Variants in WDR41 observed in about 807,000 individuals in gnomAD.
WDR41 encodes WD repeat-containing protein 41.
In WDR41, 63 loss-of-function variants were observed where a neutral mutation model predicts 69.3. The ratio of observed to expected loss-of-function variants is 0.91; its 90% confidence interval spans 0.74 to 1.12. WDR41 has a LOEUF of 1.12. Among genes scored for constraint, WDR41 ranks in the 50% most tolerant of loss-of-function variants. The pLI is 0.00. For missense variants in WDR41, 543 were observed against 534.5 expected, an observed-to-expected ratio of 1.02 and a Z score of -0.16; for synonymous variants, 185 against 192.1, an observed-to-expected ratio of 0.96 and a Z score of 0.31.
chr5:77,504,184 G>T (rs1213858759), intron 1 of WDR41, among the ~76,000 whole-genome samples: 2 of 151,752 alleles, frequency 1.3e-5, no homozygotes, highest in African/African-American at 2.4e-5. Flanking sequence ...AATAAAAAAT[G>T]ATAAAGGGGA....
intron 1 of WDR41, among the ~76,000 whole-genome samples, chr5:77,515,140 A>T (rs1040999483): frequency 2.1e-4 from 32 of 152,296 alleles, no homozygotes; most frequent in African/African-American, 7.0e-4. Context: ...ATTTTAAAAA[A>T]TTTTTTGACT....
intron 1 of WDR41, 129 bp downstream of exon 1, chr5:77,492,041 G>A (rs1801820966): frequency 8.5e-7 from 1 of 1,175,360 alleles, no homozygotes; most frequent in Non-Finnish European, 1.2e-6. Context: ...ACAGCGCGTG[G>A]CACGAGCTCA....
intron 1 of WDR41, among the ~76,000 whole-genome samples, chr5:77,576,550 C>T (rs1743836423): frequency 6.6e-6 from 1 of 152,150 alleles, no homozygotes; most frequent in Admixed American, 6.6e-5. Context: ...ATTCTGTTCT[C>T]TGTTCCCCAC....
At chr5:77,613,190 A>G (rs1480959856) in intron 1 of WDR41, among the ~76,000 whole-genome samples, 1 of 152,228 alleles carries the variant, frequency 6.6e-6, no homozygotes, top group African/African-American at 2.4e-5. Flanking sequence ...GGGTAGGAAG[A>G]ATCAATATCA....
intron 2 of WDR41, among the ~76,000 whole-genome samples, chr5:77,474,895 T>C (rs1177266858): frequency 6.6e-6 from 1 of 152,100 alleles, no homozygotes; most frequent in Non-Finnish European, 1.5e-5. Context: ...TGCATTTCCA[T>C]CTGAGGTACC....
At chr5:77,536,933 T>C (rs181244914) in intron 1 of WDR41, among the ~76,000 whole-genome samples, 25 of 152,306 alleles carry the variant, frequency 1.6e-4, no homozygotes, top group African/African-American at 5.3e-4. Context: ...GGATGTTGAG[T>C]TCCAAGACAG....
At chr5:77,595,370 A>G (rs558959253) in intron 1 of WDR41, among the ~76,000 whole-genome samples, 2 of 152,308 alleles carry the variant, frequency 1.3e-5, no homozygotes, top group East Asian at 3.9e-4. Context: ...CTGCCCAAGT[A>G]TAGAAAAATG....
intron 8 of WDR41, among the ~76,000 whole-genome samples, chr5:77,446,490 A>G (rs758415622): frequency 1.4e-4 from 22 of 152,356 alleles, no homozygotes; most frequent in South Asian, 4.1e-4. Flanking sequence ...CAAAAAGAAC[A>G]AAGCTGGAGA....
At chr5:77,474,919 T>C (rs1240662242) in intron 2 of WDR41, among the ~76,000 whole-genome samples, 1 of 152,122 alleles carries the variant, frequency 6.6e-6, no homozygotes, top group African/African-American at 2.4e-5. Context: ...TTCGTCTCAC[T>C]AGGGAGTGCC....
chr5:77,462,074 A>T (rs1375779439), intron 4 of WDR41, among the ~76,000 whole-genome samples: 1 of 152,138 alleles, frequency 6.6e-6, no homozygotes, highest in Non-Finnish European at 1.5e-5. Flanking sequence ...AAAGTTACTT[A>T]GCCTCTGTGT....
At chr5:77,583,001 G>A in intron 1 of WDR41, 1 of 1,599,930 alleles carries the variant, frequency 6.3e-7, no homozygotes, top group Non-Finnish European at 8.5e-7. Context: ...AACTTCCTGT[G>A]GCCCTTCAAA....
intron 1 of WDR41, among the ~76,000 whole-genome samples, chr5:77,547,957 A>G (rs928582292): frequency 2.6e-5 from 4 of 152,158 alleles, no homozygotes; most frequent in Non-Finnish European, 5.9e-5. Context: ...GGAACAGAAT[A>G]GAGAACCCAG....
chr5:77,616,929 C>G (rs1457067330), intron 1 of WDR41, among the ~76,000 whole-genome samples: 1 of 152,178 alleles, frequency 6.6e-6, no homozygotes, highest in African/African-American at 2.4e-5. Context: ...ACATTAAAAT[C>G]TAGATAGAAA....
intron 1 of WDR41, among the ~76,000 whole-genome samples, chr5:77,597,906 AGAG>A (rs1325746574): frequency 6.6e-6 from 1 of 152,200 alleles, no homozygotes; most frequent in Non-Finnish European, 1.5e-5. Context: ...TGAACATCAG[AGAG>A]GAGGTGATGG....
chr5:77,564,884 A>G (rs1743592703), intron 1 of WDR41, among the ~76,000 whole-genome samples: 1 of 152,104 alleles, frequency 6.6e-6, no homozygotes, highest in Non-Finnish European at 1.5e-5. Context: ...GTAGAAACTT[A>G]GAAGGAATTT....
At chr5:77,449,939 A>G in intron 7 of WDR41, 69 bp from the exon 8 acceptor site, 1 of 1,070,332 alleles carries the variant, frequency 9.3e-7, no homozygotes, top group Non-Finnish European at 1.4e-6. Context: ...TCCTGCTCTA[A>G]AAACAAGCAT....
intron 1 of WDR41, among the ~76,000 whole-genome samples, chr5:77,502,661 C>G (rs1802038137): frequency 6.6e-6 from 1 of 152,208 alleles, no homozygotes; most frequent in African/African-American, 2.4e-5. Context: ...ATCAGACTGA[C>G]AGCGGATCAC....
chr5:77,546,268 G>T, intron 1 of WDR41: 5 of 330,558 alleles, frequency 1.5e-5, no homozygotes, highest in Non-Finnish European at 2.2e-5. Flanking sequence ...ACAACATAGA[G>T]TTTTTATACA....
chr5:77,466,983 A>G (rs1168500638), intron 2 of WDR41, among the ~76,000 whole-genome samples: 1 of 151,864 alleles, frequency 6.6e-6, no homozygotes, highest in African/African-American at 2.4e-5. Flanking sequence ...ATTATGATGG[A>G]TAACAAAAAA....
Sources: allele counts gnomAD v4.1 joint callset (sites outside exome capture counted in the v4.1 genomes callset), GRCh38; gene constraint gnomAD v4.1.1; transcripts MANE v1.5; gene names NCBI Gene and HGNC (gene_info 2026-07-23, HGNC 2026-07-21).